Variants in GABRG3 observed in about 807,000 individuals in gnomAD.
GABRG3 encodes gamma-aminobutyric acid type A receptor subunit gamma3.
In GABRG3, 25 loss-of-function variants were observed where a neutral mutation model predicts 48.8. The ratio of observed to expected loss-of-function variants is 0.51; its 90% CI spans 0.37 to 0.72. The LOEUF is 0.72. Ranked by LOEUF, GABRG3 falls within the 30% of genes least tolerant of loss-of-function variation. The pLI is 0.00. For synonymous variants in GABRG3, 227 were observed against 217.6 expected (o/e 1.04, Z -0.38); for missense variants, 394 against 577.9 (o/e 0.68, Z 3.26).
intron 3 of GABRG3, among the ~76,000 whole-genome samples, chr15:27,128,265 T>G (rs1243187645): frequency 6.6e-6 from 1 of 152,292 alleles, no homozygotes; most frequent in East Asian, 1.9e-4. Flanking sequence ...GGAGGAGAGC[T>G]TGTGGCTGCT....
chr15:27,172,784 C>T (rs1392395674), intron 3 of GABRG3, among the ~76,000 whole-genome samples: 2 of 152,136 alleles, frequency 1.3e-5, no homozygotes, highest in Non-Finnish European at 2.9e-5. Context: ...AGATGCCTTC[C>T]TGCCCTTCCA....
intron 2 of GABRG3, among the ~76,000 whole-genome samples, chr15:27,024,856 G>A (rs61998076): frequency 0.16 from 23,665 of 151,852 alleles, 1,982 homozygotes; most frequent in South Asian, 0.19. Flanking sequence ...GTGAAACCCC[G>A]TCTCTACTAA....
intron 6 of GABRG3, among the ~76,000 whole-genome samples, chr15:27,499,821 G>A (rs1049598105): frequency 6.6e-6 from 1 of 152,192 alleles, no homozygotes; most frequent in Non-Finnish European, 1.5e-5. Context: ...AGATGTGGAT[G>A]GGGAGCCTGA....
chr15:27,136,580 C>G (rs530710788), intron 3 of GABRG3, among the ~76,000 whole-genome samples: 1 of 152,126 alleles, frequency 6.6e-6, no homozygotes, highest in Non-Finnish European at 1.5e-5. Context: ...GAGACCATTT[C>G]TCCAGTGGAT....
chr15:26,975,540 T>TA lies in GABRG3; in HGVS notation c.54-1461dup. 6.6e-6 allele frequency among the ~76,000 whole-genome samples: 1 copy of TA among 152,330 alleles called. No individual in the cohort carries two copies. Among genetic ancestry groups the TA allele is most frequent in the South Asian group, 2.1e-4 (1 of 4,828 alleles). On this transcript the variant is annotated intron_variant, in intron 1 of 9. Transcript: ENST00000615808. This position sits in a 1 kb window ranked among gnomAD's most constrained non-coding sequence, Gnocchi z 4.6. The stretch of plus-strand genomic sequence containing the variant: ...GGTGTAGACTATCTGGCCAACACTC[T>TA]AGTCTACGTTATGGCTAGTTAACAC...
At chr15:27,400,171 C>T (rs976096461) in intron 5 of GABRG3, among the ~76,000 whole-genome samples, 1 of 152,140 alleles carries the variant, frequency 6.6e-6, no homozygotes, top group African/African-American at 2.4e-5. Flanking sequence ...ATTTCTTTTT[C>T]CTCTACCTAA....
chr15:27,254,803 G>A (rs185856117), intron 3 of GABRG3, among the ~76,000 whole-genome samples: 47 of 152,248 alleles, frequency 3.1e-4, no homozygotes, highest in African/African-American at 1.1e-3. Flanking sequence ...ACTGCTCTGT[G>A]GAAATAGAGC....
intron 3 of GABRG3, among the ~76,000 whole-genome samples, chr15:27,110,036 A>G (rs1363811975): frequency 6.6e-6 from 1 of 152,060 alleles, no homozygotes; most frequent in Non-Finnish European, 1.5e-5. Flanking sequence ...ATGATTATTG[A>G]TATATTTAGC....
chr15:27,453,317 T>C (rs9920954), intron 5 of GABRG3, among the ~76,000 whole-genome samples: 79,526 of 152,038 alleles, frequency 0.52, 20,898 homozygotes, highest in East Asian at 0.68. Context: ...AAGGTAACTA[T>C]GGGAAGTGAT....
At chr15:27,126,487 C>T (rs892310585) in intron 3 of GABRG3, among the ~76,000 whole-genome samples, 7 of 152,166 alleles carry the variant, frequency 4.6e-5, no homozygotes, top group Non-Finnish European at 8.8e-5. Context: ...CAGGAGGGCA[C>T]TTCCTGGCTG....
chr15:27,396,784 T>C (rs571097880), intron 5 of GABRG3, among the ~76,000 whole-genome samples: 2 of 152,206 alleles, frequency 1.3e-5, no homozygotes, highest in Admixed American at 6.5e-5. Context: ...ATCCACATAA[T>C]GAGATGATTT....
intron 5 of GABRG3, among the ~76,000 whole-genome samples, chr15:27,474,483 A>G (rs985689074): frequency 6.6e-6 from 1 of 152,166 alleles, no homozygotes; most frequent in Non-Finnish European, 1.5e-5. Context: ...AAAATTATCC[A>G]CAAAAAAAGC....
Position 27,457,985 on chromosome 15 carries a change from G to A in GABRG3, c.575-22665G>A, listed in dbSNP as rs548880585. Among the ~76,000 whole-genome samples, 5 of 152,260 alleles carry A rather than the reference G, an allele frequency of 3.3e-5. No individual in the cohort carries two copies. The highest frequency in any genetic ancestry group is 7.4e-5 in the Non-Finnish European group (5 of 68,012). ...AGGCAGAAACAGCCTGTGACCATCTGCTTTTGTCGTGAACTCCTTGGACGG... is the reference window on the plus strand; with the variant it reads ...AGGCAGAAACAGCCTGTGACCATCTACTTTTGTCGTGAACTCCTTGGACGG... On this transcript the variant is annotated intron_variant, in intron 5 of 9. Transcript: ENST00000615808. This position sits in a 1 kb window ranked among gnomAD's most constrained non-coding sequence, Gnocchi z 4.4.
chr15:27,502,919 G>A (rs991044485), intron 6 of GABRG3, among the ~76,000 whole-genome samples: 1 of 152,198 alleles, frequency 6.6e-6, no homozygotes, highest in African/African-American at 2.4e-5. Context: ...TCTCGTTCCT[G>A]TTCCTGCCAG....
chr15:27,002,761 A>AAAAAAGAAAGG (rs1555397361), intron 2 of GABRG3, among the ~76,000 whole-genome samples: 1 of 41,370 alleles, frequency 2.4e-5, no homozygotes, highest in Non-Finnish European at 5.8e-5. Flanking sequence ...AAAAAAAAAA[A>AAAAAAGAAAGG]AAGGAAGGAA....
At chr15:27,126,582 C>G (rs1485478823) in intron 3 of GABRG3, among the ~76,000 whole-genome samples, 1 of 152,192 alleles carries the variant, frequency 6.6e-6, no homozygotes, top group Non-Finnish European at 1.5e-5. Flanking sequence ...GTGTCACTTC[C>G]AGGCCTGAGC....
chr15:27,074,467 C>T (rs1896878897), intron 3 of GABRG3, among the ~76,000 whole-genome samples: 1 of 151,680 alleles, frequency 6.6e-6, no homozygotes, highest in Non-Finnish European at 1.5e-5. Context: ...GTGCAAGGGA[C>T]AAGAGTCCAA....
Position 27,480,964 on chromosome 15 carries a change from G to T in GABRG3, c.712+177G>T, listed in dbSNP as rs145817331. On this transcript the variant is annotated intron_variant, in intron 6 of 9. Coordinates refer to ENST00000615808, the MANE Select transcript of GABRG3 (RefSeq NM_033223.5). ...TTCATGTTTTAATTGGTATGGGAGAGGGATGTTAGAAATAATTCATATTTT... is the reference window on the plus strand; with the variant it reads ...TTCATGTTTTAATTGGTATGGGAGATGGATGTTAGAAATAATTCATATTTT... 2.6e-4 allele frequency: 364 copies of T among 1,387,468 alleles called. 2 individuals are homozygous for T. The East Asian group carries it at 7.9e-3, about 30-fold the overall frequency. The allele number at this position is 1,387,468 out of a possible 1,614,324, so 85.9% of individuals were successfully genotyped here.
chr15:27,449,038 T>TG lies in GABRG3; in HGVS notation c.575-31609dup, dbSNP rs566669961. Among the ~76,000 whole-genome samples, 524 of 152,080 alleles carry TG rather than the reference T, an allele frequency of 3.4e-3. 4 individuals carry two copies. Among genetic ancestry groups the TG allele is most frequent in the African/African-American group, 0.012 (504 of 41,488 alleles). On this transcript the variant is annotated intron_variant, in intron 5 of 9. Transcript: ENST00000615808. Reference sequence around the variant, plus strand: ...TGGAATCTCCAAGAGGGGAGTAGAGTGGGTGCCCTGTCCAAAATGTGTTTG... The same window carrying TG: ...TGGAATCTCCAAGAGGGGAGTAGAGTGGGGTGCCCTGTCCAAAATGTGTTTG...
Sources: gnomAD v4.1 joint callset for allele counts (sites outside exome capture counted in the v4.1 genomes callset) on GRCh38, gnomAD v4.1.1 for gene constraint, Gnocchi (gnomAD v3.1) non-coding constraint, MANE v1.5 for transcripts, NCBI Gene and HGNC (gene_info 2026-07-23, HGNC 2026-07-21) for gene names.